The following LARGE1 variants were observed in gnomAD, a reference collection of about 807,000 sequenced individuals.
The protein encoded by LARGE1 is xylosyl- and glucuronyltransferase LARGE1.
LARGE1 carries 43 observed loss-of-function variants against 87.6 expected under a neutral mutation model. The ratio of observed to expected loss-of-function variants is 0.49; its 90% confidence interval spans 0.38 to 0.63. The LOEUF is 0.63. Among genes scored for constraint, LARGE1 ranks in the 30% least tolerant of loss-of-function variants. LARGE1 has a pLI of 0.00. For missense variants in LARGE1, 802 were observed against 1,000.2 expected (o/e 0.80, Z 2.67); for synonymous variants, 434 against 394.6 (o/e 1.10, Z -1.18).
intron 6 of LARGE1, among the ~76,000 whole-genome samples, chr22:33,560,495 A>T (rs2077822974): frequency 6.6e-6 from 1 of 152,184 alleles, no homozygotes; most frequent in Non-Finnish European, 1.5e-5. Context: ...TCAAATCACT[A>T]TCTTGAATAT....
At chr22:33,913,995 G>A (rs1227791477) in intron 1 of LARGE1, among the ~76,000 whole-genome samples, 1 of 152,128 alleles carries the variant, frequency 6.6e-6, no homozygotes, top group Non-Finnish European at 1.5e-5. Context: ...AAATCTTTTT[G>A]TACTGCAATT....
At chr22:33,770,511 C>T (rs1013853403) in intron 1 of LARGE1, among the ~76,000 whole-genome samples, 4 of 151,846 alleles carry the variant, frequency 2.6e-5, no homozygotes, top group Non-Finnish European at 5.9e-5. Flanking sequence ...GAGAGACCTA[C>T]CAACTCTAAA....
At chr22:33,415,077 G>C (rs2066438417) in intron 7 of LARGE1, among the ~76,000 whole-genome samples, 1 of 152,196 alleles carries the variant, frequency 6.6e-6, no homozygotes, top group African/African-American at 2.4e-5. Flanking sequence ...GAGGTGGCTT[G>C]AGTATCTTCA....
chr22:33,431,306 G>A (rs1002277240), intron 7 of LARGE1, among the ~76,000 whole-genome samples: 5 of 152,140 alleles, frequency 3.3e-5, no homozygotes, highest in Non-Finnish European at 7.3e-5. Flanking sequence ...AGCATTCAAG[G>A]GACAGCTGGT....
At chr22:33,082,768 C>G in the LARGE1 span, among the ~76,000 whole-genome samples, 1 of 152,150 alleles carries the variant, frequency 6.6e-6, no homozygotes, top group Non-Finnish European at 1.5e-5. Context: ...GAAACTAATA[C>G]TTAATAAACT....
intron 1 of LARGE1, among the ~76,000 whole-genome samples, chr22:33,905,306 C>A (rs558516557): frequency 6.6e-6 from 1 of 151,958 alleles, no homozygotes; most frequent in Admixed American, 6.6e-5. Flanking sequence ...TAGGCTCAAG[C>A]GATCCTCCCA....
intron 1 of LARGE1, among the ~76,000 whole-genome samples, chr22:33,884,266 TG>T (rs2064780622): frequency 6.6e-6 from 1 of 152,212 alleles, no homozygotes; most frequent in Non-Finnish European, 1.5e-5. Context: ...TCCACACTGC[TG>T]GGAACACAGC....
intron 7 of LARGE1, among the ~76,000 whole-genome samples, chr22:33,421,393 C>T (rs953563380): frequency 6.6e-6 from 1 of 152,048 alleles, no homozygotes; most frequent in African/African-American, 2.4e-5. Context: ...GTTCATTCCC[C>T]AGAATAAGGG....
At chr22:33,781,051 C>A (rs2085404262) in intron 1 of LARGE1, among the ~76,000 whole-genome samples, 1 of 152,216 alleles carries the variant, frequency 6.6e-6, no homozygotes, top group East Asian at 1.9e-4. Flanking sequence ...CAATTCATAA[C>A]CTTGTTGTCT....
chr22:33,634,636 G>A (rs1455887555), intron 3 of LARGE1, among the ~76,000 whole-genome samples: 1 of 151,630 alleles, frequency 6.6e-6, no homozygotes, highest in Non-Finnish European at 1.5e-5. Flanking sequence ...GGAAAGAGAT[G>A]AGAATGGGTA....
At chr22:33,131,499 AAG>A in the LARGE1 span, among the ~76,000 whole-genome samples, 1 of 152,202 alleles carries the variant, frequency 6.6e-6, no homozygotes, top group Non-Finnish European at 1.5e-5. Flanking sequence ...TTATAAAGGA[AAG>A]GGGTTTAATG....
At chr22:33,515,471 C>A (rs566157566) in intron 6 of LARGE1, among the ~76,000 whole-genome samples, 2 of 152,300 alleles carry the variant, frequency 1.3e-5, no homozygotes, top group South Asian at 4.1e-4. Flanking sequence ...GCGTACCTGA[C>A]ACATGATTGG....
intron 12 of LARGE1, among the ~76,000 whole-genome samples, chr22:33,285,481 G>A (rs908797030): frequency 3.9e-5 from 6 of 152,026 alleles, no homozygotes; most frequent in East Asian, 3.9e-4. Context: ...AAAATTAGCC[G>A]GGCGTGGTGG....
chr22:33,117,283 C>A, the LARGE1 span, among the ~76,000 whole-genome samples: 1 of 152,178 alleles, frequency 6.6e-6, no homozygotes, highest in Non-Finnish European at 1.5e-5. Flanking sequence ...AGGTTTCTGG[C>A]CCCTTTGATA....
chr22:33,324,317 C>T (rs1311397452), intron 10 of LARGE1, among the ~76,000 whole-genome samples: 2 of 84,216 alleles, frequency 2.4e-5, no homozygotes, highest in Non-Finnish European at 4.7e-5. Flanking sequence ...AAACAAACAA[C>T]AAAAAAGCCA....
intron 10 of LARGE1, among the ~76,000 whole-genome samples, chr22:33,330,002 C>T (rs964476938): frequency 2.0e-5 from 3 of 147,394 alleles, no homozygotes; most frequent in African/African-American, 8.0e-5. Context: ...ATTAAAAAAA[C>T]AGAACAACAA....
intron 10 of LARGE1, among the ~76,000 whole-genome samples, chr22:33,316,512 G>A (rs377320561): frequency 5.9e-4 from 90 of 152,330 alleles, no homozygotes; most frequent in Non-Finnish European, 1.2e-3. Flanking sequence ...AGGCCAAGGC[G>A]AGCAGATCGC....
intron 6 of LARGE1, among the ~76,000 whole-genome samples, chr22:33,443,259 A>G (rs1360519725): frequency 1.3e-5 from 2 of 152,224 alleles, no homozygotes; most frequent in East Asian, 3.8e-4. Context: ...CTCAGTTACA[A>G]AAGCCCATGT....
chr22:33,576,431 C>T (rs951809370), intron 5 of LARGE1, among the ~76,000 whole-genome samples: 1 of 152,040 alleles, frequency 6.6e-6, no homozygotes, highest in African/African-American at 2.4e-5. Flanking sequence ...TCACAGCTGT[C>T]AGGGTGGTGG....
Sources: allele counts gnomAD v4.1 joint callset (sites outside exome capture counted in the v4.1 genomes callset), GRCh38; gene constraint gnomAD v4.1.1; transcripts MANE v1.5; gene names NCBI Gene and HGNC (gene_info 2026-07-23, HGNC 2026-07-21).